Variants in SLC25A13 observed in about 807,000 individuals in gnomAD.
The protein encoded by SLC25A13 is electrogenic aspartate/glutamate antiporter SLC25A13, mitochondrial.
A neutral mutation model predicts 85.5 loss-of-function variants in SLC25A13; 70 were observed. The ratio of observed to expected loss-of-function variants is 0.82; its 90% CI spans 0.68 to 1.00. The LOEUF (loss-of-function observed/expected upper bound fraction) is 1.00, where lower values mean the gene tolerates loss of function less well. Ranked by LOEUF, SLC25A13 falls within the 50% of genes least tolerant of loss-of-function variation. SLC25A13 has a pLI of 0.00. For missense variants in SLC25A13, 765 were observed against 819.8 expected, an observed-to-expected ratio of 0.93 and a Z score of 0.82; for synonymous variants, 259 against 288.7, an observed-to-expected ratio of 0.90 and a Z score of 1.04.
At chr7:96,222,495 G>A (rs1796170233) in intron 4 of SLC25A13, among the ~76,000 whole-genome samples, 1 of 152,182 alleles carries the variant, frequency 6.6e-6, no homozygotes, top group Non-Finnish European at 1.5e-5. Flanking sequence ...CACCAGGCTG[G>A]AGTGTGGTGG....
At chr7:96,273,603 G>A (rs1465281500) in intron 3 of SLC25A13, among the ~76,000 whole-genome samples, 1 of 152,158 alleles carries the variant, frequency 6.6e-6, no homozygotes, top group Non-Finnish European at 1.5e-5. Flanking sequence ...GTGTGTACGT[G>A]TTTGTGTGTA....
chr7:96,197,429 G>C (rs1795104686), intron 5 of SLC25A13, among the ~76,000 whole-genome samples: 1 of 151,998 alleles, frequency 6.6e-6, no homozygotes, highest in South Asian at 2.1e-4. Context: ...CTCCCTTTTT[G>C]CTCTCTTTCC....
At chr7:96,295,844 A>G (rs970814075) in intron 2 of SLC25A13, among the ~76,000 whole-genome samples, 1 of 150,840 alleles carries the variant, frequency 6.6e-6, no homozygotes, top group Non-Finnish European at 1.5e-5. Context: ...AAATATGTGT[A>G]TATTAATATA....
In SLC25A13 at chr7:96,164,514, T is replaced by G. The variant is rs534709524; in HGVS notation, c.1311+5531A>C. On this transcript the variant is annotated intron_variant, in intron 13 of 17. Coordinates refer to ENST00000265631, the MANE Select transcript of SLC25A13 (RefSeq NM_014251.3). ...ATAACTGAAAGAGAAAGTTGCTATC[T>G]AAATTTTATAGACAAGAAAGCTGCA... is the stretch of plus-strand genomic sequence containing the variant. Among the ~76,000 whole-genome samples the G allele has an allele frequency of 3.3e-5, 5 of 152,298 alleles. No homozygotes were observed. In the South Asian group the frequency reaches 1.0e-3, roughly 32 times the overall value.
At chr7:96,232,417 G>C (rs890845937) in intron 4 of SLC25A13, among the ~76,000 whole-genome samples, 2 of 152,032 alleles carry the variant, frequency 1.3e-5, no homozygotes, top group African/African-American at 4.8e-5. Context: ...AGGAATAATA[G>C]ACATTACGGC....
chr7:96,123,355 A>G (rs1791594740), intron 15 of SLC25A13, among the ~76,000 whole-genome samples: 1 of 152,202 alleles, frequency 6.6e-6, no homozygotes. Context: ...CTGGTTTAGA[A>G]AGAGTTTAGC....
chr7:96,281,804 G>A (rs1290556572), intron 2 of SLC25A13, among the ~76,000 whole-genome samples: 1 of 152,036 alleles, frequency 6.6e-6, no homozygotes, highest in Non-Finnish European at 1.5e-5. Context: ...TGTTAATCTG[G>A]GCACAGAAAT....
chr7:96,123,094 T>A (rs1397324769), intron 15 of SLC25A13, among the ~76,000 whole-genome samples: 1 of 152,084 alleles, frequency 6.6e-6, no homozygotes, highest in African/African-American at 2.4e-5. Context: ...ACTGAAGGAG[T>A]ATCTCTTCCA....
At chr7:96,275,791 A>G (rs973195772) in intron 3 of SLC25A13, among the ~76,000 whole-genome samples, 2 of 152,116 alleles carry the variant, frequency 1.3e-5, no homozygotes, top group Non-Finnish European at 2.9e-5. Context: ...ATGTTAAACG[A>G]CGAGTTGACG....
At chr7:96,144,145 G>T (rs1251969078) in intron 14 of SLC25A13, among the ~76,000 whole-genome samples, 1 of 152,160 alleles carries the variant, frequency 6.6e-6, no homozygotes, top group African/African-American at 2.4e-5. Flanking sequence ...ATCTTAACCT[G>T]CTGTGATGTC....
At chr7:96,268,912 C>T (rs1464167735) in intron 3 of SLC25A13, among the ~76,000 whole-genome samples, 2 of 152,206 alleles carry the variant, frequency 1.3e-5, no homozygotes, top group African/African-American at 4.8e-5. Context: ...CTCCCACCTC[C>T]AACTCCTGCA....
At chr7:96,295,291 G>A (rs1023978541) in intron 2 of SLC25A13, among the ~76,000 whole-genome samples, 1 of 152,238 alleles carries the variant, frequency 6.6e-6, no homozygotes, top group Non-Finnish European at 1.5e-5. Context: ...GGAGGTTGCA[G>A]TGAGCTGAGA....
chr7:96,305,650 A>G (rs890042982), intron 1 of SLC25A13, among the ~76,000 whole-genome samples: 7 of 152,266 alleles, frequency 4.6e-5, no homozygotes, highest in African/African-American at 1.7e-4. Flanking sequence ...TATAAAAAGT[A>G]TATGACGTAT....
At chr7:96,137,361 G>T (rs1314642580) in intron 14 of SLC25A13, among the ~76,000 whole-genome samples, 2 of 152,258 alleles carry the variant, frequency 1.3e-5, no homozygotes, top group East Asian at 3.9e-4. Context: ...TTAATCCAGG[G>T]ACTTTAGGGA....
intron 4 of SLC25A13, among the ~76,000 whole-genome samples, chr7:96,209,970 C>T (rs1795626152): frequency 6.6e-6 from 1 of 151,712 alleles, no homozygotes; most frequent in Admixed American, 6.6e-5. Flanking sequence ...CTATTTAAAA[C>T]AAAAAAAGAA....
intron 4 of SLC25A13, among the ~76,000 whole-genome samples, chr7:96,224,644 C>T (rs1796263501): frequency 6.6e-6 from 1 of 152,222 alleles, no homozygotes; most frequent in South Asian, 2.1e-4. Flanking sequence ...ACCAAGGCAA[C>T]TTTCTATGTA....
rs534989975 is a variant in SLC25A13, at chr7:96,208,878, T to A, written c.428A>T (p.Lys143Ile). Residue 143 changes from lysine to isoleucine, a missense_variant, in exon 5 of 18, where the codon AAA becomes ATA. Coordinates refer to ENST00000265631, the MANE Select transcript of SLC25A13 (RefSeq NM_014251.3). ...AAATTCCGCATATGTCAGGTGTCTTTTTCTTTCTTTTCCAAAATGTAGTTG... is the reference window on the plus strand; with the variant it reads ...AAATTCCGCATATGTCAGGTGTCTTATTCTTTCTTTTCCAAAATGTAGTTG... ...FVQLHFGKERKRHLTYAEFTQ... is the reference protein window; with the variant it reads ...FVQLHFGKERIRHLTYAEFTQ... 10 of 1,614,022 alleles carry A rather than the reference T, an allele frequency of 6.2e-6. No homozygotes were observed. The highest frequency in any genetic ancestry group is 8.5e-6 in the Non-Finnish European group (10 of 1,180,032).
chr7:96,288,702 G>GGTT (rs958548055), intron 2 of SLC25A13, among the ~76,000 whole-genome samples: 28 of 152,218 alleles, frequency 1.8e-4, no homozygotes, highest in Admixed American at 1.8e-3. Flanking sequence ...CCAACTGCAA[G>GGTT]GTGGCAGTGA....
intron 3 of SLC25A13, among the ~76,000 whole-genome samples, chr7:96,258,196 A>G (rs2116886160): frequency 6.6e-6 from 1 of 152,302 alleles, no homozygotes; most frequent in Non-Finnish European, 1.5e-5. Flanking sequence ...CCTATTCAAA[A>G]TAGTATTGGA....
Sources: gnomAD v4.1 joint callset for allele counts (sites outside exome capture counted in the v4.1 genomes callset) on GRCh38, gnomAD v4.1.1 for gene constraint, MANE v1.5 for transcripts, NCBI Gene and HGNC (gene_info 2026-07-23, HGNC 2026-07-21) for gene names.